LRRC26: variants seen among roughly 807,000 people sequenced by gnomAD.
LRRC26 encodes the protein leucine rich repeat containing 26.
Under a neutral mutation model 15.3 loss-of-function variants are expected in LRRC26, and 17 were observed. That is an observed-to-expected ratio of 1.11 (90% CI 0.76 to 1.66). LRRC26 has a LOEUF of 1.66. LRRC26 is among the 40% of genes most tolerant of loss of function. The probability of loss-of-function intolerance (pLI) is 0.00; values close to 1 mark genes in which losing one functional copy is unlikely to be tolerated. For missense variants in LRRC26, 573 were observed against 501.0 expected, an observed-to-expected ratio of 1.14 and a Z score of -1.37; for synonymous variants, 301 against 272.1, an observed-to-expected ratio of 1.11 and a Z score of -1.05.
In LRRC26 at chr9:137,169,898, A is replaced by ACAG. The variant is rs762555061; in HGVS notation, c.43_45dup (p.Leu19dup). Reference sequence around the variant, plus strand: ...ACAGGCCAAGGCGACAGCAGCAGCAACAGCAGCAGCAGCGGCCGAGGCCGC... The same window carrying ACAG: ...ACAGGCCAAGGCGACAGCAGCAGCAACAGCAGCAGCAGCAGCGGCCGAGGCCGC... On this transcript the variant is annotated inframe_insertion, in exon 1 of 2. Transcript: ENST00000371542. 9 of 1,478,098 alleles carry ACAG rather than the reference A, an allele frequency of 6.1e-6. No homozygotes were observed. Among genetic ancestry groups the ACAG allele is most frequent in the Non-Finnish European group, 8.0e-6 (9 of 1,123,008 alleles). The allele number at this position is 1,478,098 out of a possible 1,614,324, so 91.6% of individuals were successfully genotyped here.
Position 137,169,812 on chromosome 9 carries a change from G to A in LRRC26, c.132C>T (p.Pro44=), listed in dbSNP as rs192529082. 149 of 1,428,162 alleles carry A rather than the reference G, an allele frequency of 1.0e-4. No homozygotes were observed. Among genetic ancestry groups the A allele is most frequent in the Non-Finnish European group, 1.3e-4 (138 of 1,103,904 alleles). 88.5% of individuals were successfully genotyped at this position (1,428,162 alleles called of 1,614,324 possible). A position where few individuals can be genotyped will look rare whatever the true frequency, so the allele number is the denominator to read the frequency against. ...CTCCCGGCACGCACGTGCACACCTCGGGGCAGTCCGGGGCGCCCAGGGACC... is the reference window on the plus strand; with the variant it reads ...CTCCCGGCACGCACGTGCACACCTCAGGGCAGTCCGGGGCGCCCAGGGACC... ...PSGSLGAPDC[P]EVCTCVPGGL... Residue 44 remains proline (P), a synonymous_variant, in exon 1 of 2, where the codon CCC becomes CCT. Coordinates refer to ENST00000371542, the MANE Select transcript of LRRC26 (RefSeq NM_001013653.3).
chr9:137,168,790 G>A lies in LRRC26; in HGVS notation c.*64C>T. On this transcript the variant is annotated 3_prime_UTR_variant, in exon 2 of 2. Coordinates refer to ENST00000371542, the MANE Select transcript of LRRC26 (RefSeq NM_001013653.3). ...TCTGTGTCGCTTGTTGACGCCGGCA[G>A]ACAGTGTAAAGGGAGGGCAAAGGCA... The A allele has an allele frequency of 8.8e-7, 1 of 1,141,912 alleles. No homozygotes were observed. The highest frequency in any genetic ancestry group is 1.1e-6 in the Non-Finnish European group (1 of 911,510). 70.7% of individuals were successfully genotyped at this position (1,141,912 alleles called of 1,614,324 possible). A position where few individuals can be genotyped will look rare whatever the true frequency, so the allele number is the denominator to read the frequency against.
In LRRC26 at chr9:137,169,924, G is replaced by A. The variant is rs77712801; in HGVS notation, c.20C>T (p.Ser7Leu). Residue 7 changes from serine (S) to leucine (L), a missense_variant, in exon 1 of 2, where the codon TCG becomes TTG. Ser to Leu is a moderately radical substitution (Grantham distance 145, BLOSUM62 -2). Coordinates refer to ENST00000371542, the MANE Select transcript of LRRC26 (RefSeq NM_001013653.3). MRGPSW[S>L]RPRPLLLLLL... ...CAGCAGCAGCAGCGGCCGAGGCCGC[G>A]ACCAGGAAGGGCCCCGCATGGGGGC... 0.091 allele frequency: 132,517 copies of A among 1,462,468 alleles called. 6,964 individuals are homozygous for A. Among genetic ancestry groups the A allele is most frequent in the Admixed American group, 0.22 (8,590 of 38,530 alleles). The allele number at this position is 1,462,468 out of a possible 1,614,324, so 90.6% of individuals were successfully genotyped here.
In LRRC26 at chr9:137,169,398, G is replaced by A. The variant is rs1021786337; in HGVS notation, c.546C>T (p.Leu182=). Residue 182 remains leucine (L), a synonymous_variant, in exon 1 of 2, where the codon CTC becomes CTT. Transcript: ENST00000371542. ...LSLQDNELAA[L]APGLLGRLPA... ...GCAGGCGGCCCAGCAGCCCCGGCGC[G>A]AGTGCCGCCAGCTCGTTGTCCTGCA... is the stretch of plus-strand genomic sequence containing the variant. 3 of 1,503,026 alleles carry A rather than the reference G, an allele frequency of 2.0e-6. No homozygotes were observed. The African/African-American group carries it at 4.4e-5, about 22-fold the overall frequency. The allele number at this position is 1,503,026 out of a possible 1,614,324, so 93.1% of individuals were successfully genotyped here. A position where few individuals can be genotyped will look rare whatever the true frequency, so the allele number is the denominator to read the frequency against.
rs200394432 is a variant in LRRC26, at chr9:137,169,709, C to G, written c.235G>C (p.Asp79His). Reference protein sequence around the residue: ...LSLRLRALLLDHNRVRALPPG... With the variant: ...LSLRLRALLLHHNRVRALPPG... ...GGCAGCGCACGGACGCGGTTGTGGT[C>G]CAGCAGCAGCGCGCGCAGGCGCAGG... The change falls in exon 1 of 2, where the codon GAC (aspartate) becomes CAC (histidine). Residue 79 changes from aspartate to histidine, a missense_variant. By Grantham distance (81) the Asp-to-His change is moderately conservative (BLOSUM62 -1). Transcript: ENST00000371542. The G allele has an allele frequency of 1.2e-5, 17 of 1,473,582 alleles. No individual in the cohort carries two copies. Among genetic ancestry groups the G allele is most frequent in the East Asian group, 5.7e-5 (2 of 34,786 alleles). The allele number at this position is 1,473,582 out of a possible 1,614,324, so 91.3% of individuals were successfully genotyped here.
At position 137,169,801 on chromosome 9, in the gene LRRC26, G is replaced by T; in HGVS notation, c.143C>A (p.Thr48Lys). 2.1e-6 allele frequency: 3 copies of T among 1,407,364 alleles called. No individual in the cohort carries two copies. The South Asian group carries it at 4.6e-5, about 22-fold the overall frequency. 87.2% of individuals were successfully genotyped at this position (1,407,364 alleles called of 1,614,324 possible). The change falls in exon 1 of 2, where the codon ACG (threonine) becomes AAG (lysine). Residue 48 changes from threonine (T) to lysine (K), a missense_variant. By Grantham distance (78) the Thr-to-Lys change is moderately conservative (BLOSUM62 -1). Transcript: ENST00000371542. ...GCTGGCCAGGCCTCCCGGCACGCAC[G>T]TGCACACCTCGGGGCAGTCCGGGGC... ...LGAPDCPEVCTCVPGGLASCS... is the reference protein window; with the variant it reads ...LGAPDCPEVCKCVPGGLASCS...
chr9:137,168,780 G>A lies in LRRC26; in HGVS notation c.*74C>T. 3 of 1,103,142 alleles carry A rather than the reference G, an allele frequency of 2.7e-6. No homozygotes were observed. Among genetic ancestry groups the A allele is most frequent in the Admixed American group, 4.4e-5 (1 of 22,636 alleles). 68.3% of individuals were successfully genotyped at this position (1,103,142 alleles called of 1,614,324 possible). A position where few individuals can be genotyped will look rare whatever the true frequency, so the allele number is the denominator to read the frequency against. On this transcript the variant is annotated 3_prime_UTR_variant, in exon 2 of 2. Coordinates refer to ENST00000371542, the MANE Select transcript of LRRC26 (RefSeq NM_001013653.3). The stretch of plus-strand genomic sequence containing the variant: ...CAGTTTTCGGTCTGTGTCGCTTGTT[G>A]ACGCCGGCAGACAGTGTAAAGGGAG...
At position 137,169,066 on chromosome 9, in the gene LRRC26, C is replaced by A. The variant is rs745879916; in HGVS notation, c.793G>T (p.Val265Phe). 8 of 1,556,236 alleles carry A rather than the reference C, an allele frequency of 5.1e-6. No individual in the cohort carries two copies. The East Asian group carries it at 1.0e-4, about 20-fold the overall frequency. Reference protein sequence around the residue: ...QPLALRDLAVVYTLGPASFLV... With the variant: ...QPLALRDLAVFYTLGPASFLV... ...AAGGAGGCCGGCCCGAGCGTGTAAACCACGGCCAGGTCCCGCAGGGCGAGC... is the reference window on the plus strand; with the variant it reads ...AAGGAGGCCGGCCCGAGCGTGTAAAACACGGCCAGGTCCCGCAGGGCGAGC... Residue 265 changes from valine (V) to phenylalanine (F), a missense_variant, in exon 2 of 2, where the codon GTT becomes TTT. Physicochemically the swap from Val to Phe is conservative, Grantham distance 50. Coordinates refer to ENST00000371542, the MANE Select transcript of LRRC26 (RefSeq NM_001013653.3).
At position 137,169,578 on chromosome 9, in the gene LRRC26, C is replaced by G; in HGVS notation, c.366G>C (p.Gln122His). ...VRAFWGLGAL[Q>H]LLDLSANQLE... ...GCTGGTTGGCGCTCAGGTCCAGCAG[C>G]TGCAGCGCGCCCAGGCCCCAGAAGG... The change falls in exon 1 of 2, where the codon CAG (glutamine) becomes CAC (histidine). Residue 122 changes from glutamine (Q) to histidine (H), a missense_variant. Physicochemically the swap from Gln to His is conservative, Grantham distance 24. Coordinates refer to ENST00000371542, the MANE Select transcript of LRRC26 (RefSeq NM_001013653.3). 6.6e-7 allele frequency: 1 copy of G among 1,522,928 alleles called. No homozygotes were observed. The highest frequency in any genetic ancestry group is 8.8e-7 in the Non-Finnish European group (1 of 1,141,368). The allele number at this position is 1,522,928 out of a possible 1,614,324, so 94.3% of individuals were successfully genotyped here.
chr9:137,169,413 G>A lies in LRRC26; in HGVS notation c.531C>T (p.Asn177=). ...GCCCCGGCGCGAGTGCCGCCAGCTC[G>A]TTGTCCTGCAGGCTGAGTGAGCGCA... ...PLLRSLSLQD[N]ELAALAPGLL... is the part of the protein sequence containing the mutation. Residue 177 remains asparagine (N), a synonymous_variant, in exon 1 of 2, where the codon AAC becomes AAT. Coordinates refer to ENST00000371542, the MANE Select transcript of LRRC26 (RefSeq NM_001013653.3). 1 of 1,510,272 alleles carries A rather than the reference G, an allele frequency of 6.6e-7. No homozygotes were observed. Among genetic ancestry groups the A allele is most frequent in the Non-Finnish European group, 8.8e-7 (1 of 1,138,802 alleles). The allele number at this position is 1,510,272 out of a possible 1,614,324, so 93.6% of individuals were successfully genotyped here.
In LRRC26 at chr9:137,169,663, G is replaced by C. The variant is rs1385291560; in HGVS notation, c.281C>G (p.Ala94Gly). Residue 94 changes from alanine (A) to glycine (G), a missense_variant, in exon 1 of 2, where the codon GCG (alanine) becomes GGG (glycine). By Grantham distance (60) the Ala-to-Gly change is moderately conservative. Coordinates refer to ENST00000371542, the MANE Select transcript of LRRC26 (RefSeq NM_001013653.3). Reference sequence around the variant, plus strand: ...CAGGTCCAGGCGCTGTAGCGCGCCCGCTCCCGCGAAGGCACCTGGCGGCAG... The same window carrying C: ...CAGGTCCAGGCGCTGTAGCGCGCCCCCTCCCGCGAAGGCACCTGGCGGCAG... ...RALPPGAFAGAGALQRLDLRE... is the reference protein window; with the variant it reads ...RALPPGAFAGGGALQRLDLRE... The C allele has an allele frequency of 2.0e-6, 3 of 1,501,460 alleles. No homozygotes were observed. Among genetic ancestry groups the C allele is most frequent in the Middle Eastern group, 1.8e-4 (1 of 5,478 alleles). The allele number at this position is 1,501,460 out of a possible 1,614,324, so 93.0% of individuals were successfully genotyped here.
At position 137,169,466 on chromosome 9, in the gene LRRC26, G is replaced by C; in HGVS notation, c.478C>G (p.Pro160Ala). Reference sequence around the variant, plus strand: ...AGCGGGAGCGCGCCTAGCGCCGCGGGCTCCAGGCGCGCCAGCCGGTTGCCG... The same window carrying C: ...AGCGGGAGCGCGCCTAGCGCCGCGGCCTCCAGGCGCGCCAGCCGGTTGCCG... The part of the protein sequence containing the change: ...LAGNRLARLE[P>A]AALGALPLLR... The change falls in exon 1 of 2, where the codon CCC becomes GCC. Residue 160 changes from proline to alanine, a missense_variant. By Grantham distance (27) the Pro-to-Ala change is conservative. Transcript: ENST00000371542. 6.6e-7 allele frequency: 1 copy of C among 1,519,784 alleles called. No homozygotes were observed. The highest frequency in any genetic ancestry group is 8.8e-7 in the Non-Finnish European group (1 of 1,141,756). The allele number at this position is 1,519,784 out of a possible 1,614,324, so 94.1% of individuals were successfully genotyped here.
Position 137,169,294 on chromosome 9 carries a change from C to A in LRRC26, c.650G>T (p.Arg217Leu). ...ACCTGACGCGGGCAGCGGGTGCCGG[C>A]GCAGCCAGGCGCAGAGCGGGCGCAG... The part of the protein sequence containing the change: ...CALRPLCAWL[R>L]RHPLPASEAE... The change falls in exon 1 of 2, where the codon CGC becomes CTC. Residue 217 changes from arginine to leucine, a missense_variant. Coordinates refer to ENST00000371542, the MANE Select transcript of LRRC26 (RefSeq NM_001013653.3). The A allele has an allele frequency of 7.2e-7, 1 of 1,390,462 alleles. No homozygotes were observed. Among genetic ancestry groups the A allele is most frequent in the South Asian group, 1.6e-5 (1 of 63,636 alleles). The allele number at this position is 1,390,462 out of a possible 1,614,324, so 86.1% of individuals were successfully genotyped here. A position where few individuals can be genotyped will look rare whatever the true frequency, so the allele number is the denominator to read the frequency against.
rs532142224 is a variant in LRRC26 at position 137,168,865 on chromosome 9, C to A, written c.994G>T (p.Ala332Ser). ...PADPGSPAAA[A>S]QA ...GCGGCCGCGGCCGCTCAGGCTTGGG[C>A]GGCAGCGGCGGGGCTCCCCGGGTCC... Residue 332 changes from alanine (A) to serine (S), a missense_variant, in exon 2 of 2, where the codon GCC becomes TCC. Transcript: ENST00000371542. 15 of 1,248,410 alleles carry A rather than the reference C, an allele frequency of 1.2e-5. No homozygotes were observed. The African/African-American group carries it at 2.2e-4, about 18-fold the overall frequency. The allele number at this position is 1,248,410 out of a possible 1,614,324, so 77.3% of individuals were successfully genotyped here. A position where few individuals can be genotyped will look rare whatever the true frequency, so the allele number is the denominator to read the frequency against.
Position 137,169,588 on chromosome 9 carries a change from C to T in LRRC26, c.356G>A (p.Gly119Asp). ...GCTCAGGTCCAGCAGCTGCAGCGCG[C>T]CCAGGCCCCAGAAGGCTCGCACATG... ...SVHVRAFWGL[G>D]ALQLLDLSAN... Residue 119 changes from glycine to aspartate, a missense_variant, in exon 1 of 2, where the codon GGC (glycine) becomes GAC (aspartate). Coordinates refer to ENST00000371542, the MANE Select transcript of LRRC26 (RefSeq NM_001013653.3). The T allele has an allele frequency of 6.6e-7, 1 of 1,522,996 alleles. No individual in the cohort carries two copies. The highest frequency in any genetic ancestry group is 8.8e-7 in the Non-Finnish European group (1 of 1,141,422). The allele number at this position is 1,522,996 out of a possible 1,614,324, so 94.3% of individuals were successfully genotyped here.
In LRRC26 at chr9:137,169,110, A is replaced by T; in HGVS notation, c.749T>A (p.Phe250Tyr). ...SPLTAFSDAA[F>Y]SHCAQPLALR... is the part of the protein sequence containing the mutation. The stretch of plus-strand genomic sequence containing the variant: ...GGCGAGCGGCTGCGCGCAATGGCTA[A>T]AGGCGGCGTCGGAAAAGGCAGTCAG... Residue 250 changes from phenylalanine to tyrosine, a missense_variant, in exon 2 of 2, where the codon TTT becomes TAT. Phe to Tyr is a conservative substitution (Grantham distance 22). Coordinates refer to ENST00000371542, the MANE Select transcript of LRRC26 (RefSeq NM_001013653.3). 1 of 1,562,226 alleles carries T rather than the reference A, an allele frequency of 6.4e-7. No homozygotes were observed. The highest frequency in any genetic ancestry group is 8.6e-7 in the Non-Finnish European group (1 of 1,160,576).
rs1228125898 is a variant in LRRC26 at position 137,168,879 on chromosome 9, C to A, written c.980G>T (p.Ser327Ile). ...TCAGGCTTGGGCGGCAGCGGCGGGG[C>A]TCCCCGGGTCCGCGGGCGAGGCACA... ...HGCASPADPG[S>I]PAAAAQA The change falls in exon 2 of 2, where the codon AGC becomes ATC. Residue 327 changes from serine (S) to isoleucine (I), a missense_variant. Coordinates refer to ENST00000371542, the MANE Select transcript of LRRC26 (RefSeq NM_001013653.3). The A allele has an allele frequency of 1.6e-6, 2 of 1,254,000 alleles. No individual in the cohort carries two copies. The highest frequency in any genetic ancestry group is 1.6e-5 in the African/African-American group (1 of 64,230). 77.7% of individuals were successfully genotyped at this position (1,254,000 alleles called of 1,614,324 possible). A position where few individuals can be genotyped will look rare whatever the true frequency, so the allele number is the denominator to read the frequency against.
rs776008029 is a variant in LRRC26, at chr9:137,169,346, C to G, written c.598G>C (p.Gly200Arg). Residue 200 changes from glycine (G) to arginine (R), a missense_variant, in exon 1 of 2, where the codon GGC becomes CGC. Coordinates refer to ENST00000371542, the MANE Select transcript of LRRC26 (RefSeq NM_001013653.3). ...GCGCACCCGCAGCCCCAAGGGTTGC[C>G]GCGCAGGTGCAGCGCGTCTAGAGCG... The part of the protein sequence containing the change: ...LPALDALHLR[G>R]NPWGCGCALR... 6.2e-6 allele frequency: 9 copies of G among 1,460,402 alleles called. No homozygotes were observed. In the Admixed American group the frequency reaches 8.1e-5, roughly 13 times the overall value. 90.5% of individuals were successfully genotyped at this position (1,460,402 alleles called of 1,614,324 possible). A position where few individuals can be genotyped will look rare whatever the true frequency, so the allele number is the denominator to read the frequency against.
chr9:137,169,491 G>C lies in LRRC26; in HGVS notation c.453C>G (p.Ala151=), dbSNP rs1450937225. 3 of 1,521,704 alleles carry C rather than the reference G, an allele frequency of 2.0e-6. No homozygotes were observed. In the Admixed American group the frequency reaches 6.0e-5, roughly 30 times the overall value. The allele number at this position is 1,521,704 out of a possible 1,614,324, so 94.3% of individuals were successfully genotyped here. Residue 151 remains alanine (A), a synonymous_variant, in exon 1 of 2, where the codon GCC becomes GCG. Coordinates refer to ENST00000371542, the MANE Select transcript of LRRC26 (RefSeq NM_001013653.3). The stretch of plus-strand genomic sequence containing the variant: ...GCTCCAGGCGCGCCAGCCGGTTGCC[G>C]GCCAATGAGAGGTTGCGCAGCGCGC... ...PLRALRNLSL[A]GNRLARLEPA...
Sources: allele counts gnomAD v4.1 joint callset, GRCh38; gene constraint gnomAD v4.1.1; transcripts MANE v1.5; gene names NCBI Gene and HGNC (gene_info 2026-07-23, HGNC 2026-07-21).